CEP57L1: variants seen among roughly 807,000 people sequenced by gnomAD.
CEP57L1 encodes centrosomal protein CEP57L1.
A neutral mutation model predicts 61.0 loss-of-function variants in CEP57L1; 37 were observed. That is an observed-to-expected ratio of 0.61 (90% confidence interval 0.47 to 0.80). The LOEUF (loss-of-function observed/expected upper bound fraction) is 0.80. Ranked by LOEUF, CEP57L1 falls within the 30% of genes least tolerant of loss-of-function variation. CEP57L1 has a pLI of 0.00. For synonymous variants in CEP57L1, 137 were observed against 162.3 expected, an observed-to-expected ratio of 0.84 and a Z score of 1.19; for missense variants, 422 against 524.7, an observed-to-expected ratio of 0.80 and a Z score of 1.91.
At chr6:109,134,407 G>A (rs1376777324) in intron 1 of CEP57L1, among the ~76,000 whole-genome samples, 15 of 152,202 alleles carry the variant, frequency 9.9e-5, no homozygotes, top group African/African-American at 1.9e-4. Context: ...TTGATGGGAC[G>A]TATCTCAAAA....
At chr6:109,136,282 G>GATCA (rs1770665563) in intron 1 of CEP57L1, among the ~76,000 whole-genome samples, 2 of 152,200 alleles carry the variant, frequency 1.3e-5, no homozygotes, top group East Asian at 1.9e-4. Flanking sequence ...GGATGAAGCT[G>GATCA]GAAACCATCA....
chr6:109,161,340 A>G (rs116024953), intron 10 of CEP57L1, among the ~76,000 whole-genome samples: 8 of 152,318 alleles, frequency 5.3e-5, no homozygotes, highest in Non-Finnish European at 1.0e-4. Flanking sequence ...TAATTCCAAG[A>G]CAATGACTCC....
rs1312073671 is a variant in CEP57L1, at chr6:109,172,830, G to A, written c.*9860G>A. Among the ~76,000 whole-genome samples, 1 of 152,200 alleles carries A rather than the reference G, an allele frequency of 6.6e-6. No individual in the cohort carries two copies. Among genetic ancestry groups the A allele is most frequent in the South Asian group, 2.1e-4 (1 of 4,836 alleles). ...GTCTAGTTAATAAAACTAGGGCCAT[G>A]TGTTACTACAACATAGGAGTTAACT... On this transcript the variant is annotated 3_prime_UTR_variant, in exon 11 of 11. Transcript: ENST00000517392.
rs1774357764 is a variant in CEP57L1, at chr6:109,170,617, G to A, written c.*7647G>A. 6.6e-6 allele frequency among the ~76,000 whole-genome samples: 1 copy of A among 152,094 alleles called. No individual in the cohort carries two copies. The highest frequency in any genetic ancestry group is 1.5e-5 in the Non-Finnish European group (1 of 67,998). The stretch of plus-strand genomic sequence containing the variant: ...TAGATCCGTTTAACTTTACAAATGT[G>A]TTATTTAAAACATAAACCATTTTGG... On this transcript the variant is annotated 3_prime_UTR_variant, in exon 11 of 11. Transcript: ENST00000517392.
At chr6:109,102,550 A>G (rs1470770560) in intron 1 of CEP57L1, among the ~76,000 whole-genome samples, 1 of 152,186 alleles carries the variant, frequency 6.6e-6, no homozygotes, top group Non-Finnish European at 1.5e-5. Flanking sequence ...TGTTGTAGCT[A>G]AAAAGTCATT....
chr6:109,132,852 C>T (rs1176158765), intron 1 of CEP57L1, among the ~76,000 whole-genome samples: 1 of 152,142 alleles, frequency 6.6e-6, no homozygotes, highest in African/African-American at 2.4e-5. Flanking sequence ...CTGGCTACTA[C>T]TGAGGTTGAG....
At chr6:109,102,249 G>A (rs1161448852) in intron 1 of CEP57L1, among the ~76,000 whole-genome samples, 1 of 152,104 alleles carries the variant, frequency 6.6e-6, no homozygotes, top group Non-Finnish European at 1.5e-5. Flanking sequence ...CCAGGTTGGA[G>A]TGCAGTGTTG....
chr6:109,128,000 A>G (rs533656116), intron 1 of CEP57L1, among the ~76,000 whole-genome samples: 2 of 152,254 alleles, frequency 1.3e-5, no homozygotes, highest in Admixed American at 6.5e-5. Flanking sequence ...TGGTTCCCTA[A>G]TGGACAAAGG....
chr6:109,144,605 A>T (rs1470917208), intron 1 of CEP57L1, among the ~76,000 whole-genome samples: 8 of 152,170 alleles, frequency 5.3e-5, no homozygotes. Context: ...ACAACAAAAT[A>T]AAAACCAGAC....
At chr6:109,135,478 C>T (rs1315834039) in intron 1 of CEP57L1, among the ~76,000 whole-genome samples, 1 of 152,142 alleles carries the variant, frequency 6.6e-6, no homozygotes, top group African/African-American at 2.4e-5. Context: ...AAAACCTAGG[C>T]AATACCATTC....
intron 1 of CEP57L1, among the ~76,000 whole-genome samples, chr6:109,113,008 T>C (rs1771847717): frequency 6.6e-6 from 1 of 152,182 alleles, no homozygotes; most frequent in African/African-American, 2.4e-5. Context: ...TGGAGAGTTC[T>C]GTAGATGTCT....
intron 1 of CEP57L1, among the ~76,000 whole-genome samples, chr6:109,113,264 A>G (rs1033860909): frequency 6.6e-6 from 1 of 152,064 alleles, no homozygotes; most frequent in Non-Finnish European, 1.5e-5. Context: ...TTTTCTTTGT[A>G]ACATGGATCG....
intron 1 of CEP57L1, among the ~76,000 whole-genome samples, chr6:109,106,596 T>C (rs940559578): frequency 6.6e-5 from 10 of 152,196 alleles, no homozygotes; most frequent in African/African-American, 2.4e-4. Flanking sequence ...TTAAGTATAG[T>C]AGTTTTTGCA....
intron 1 of CEP57L1, among the ~76,000 whole-genome samples, chr6:109,141,471 C>T (rs1771376307): frequency 6.6e-6 from 1 of 152,042 alleles, no homozygotes; most frequent in South Asian, 2.1e-4. Context: ...CCTCTCCCTC[C>T]CAAAGTGTTT....
rs372750532 is a variant in CEP57L1 at position 109,109,456 on chromosome 6, A to C, written c.-4+13881A>C. 4.6e-5 allele frequency among the ~76,000 whole-genome samples: 7 copies of C among 152,312 alleles called. No homozygotes were observed. In the East Asian group the frequency reaches 1.2e-3, roughly 25 times the overall value. On this transcript the variant is annotated intron_variant, in intron 1 of 10. Transcript: ENST00000517392. Reference sequence around the variant, plus strand: ...ATCCTTTGAAACCAGTGTTCCATAGAGCAAGTCTTGGTAAATACTGTTTAA... The same window carrying C: ...ATCCTTTGAAACCAGTGTTCCATAGCGCAAGTCTTGGTAAATACTGTTTAA...
rs1774530787 is a variant in CEP57L1, at chr6:109,174,094, G to T, written c.*11124G>T. On this transcript the variant is annotated 3_prime_UTR_variant, in exon 11 of 11. Coordinates refer to ENST00000517392, the MANE Select transcript of CEP57L1 (RefSeq NM_001271852.3). Reference sequence around the variant, plus strand: ...CAGCCTGAGCCATAGAGTGAGTCTTGGTCTCAAAAAAAAAAAAAAACCTTG... The same window carrying T: ...CAGCCTGAGCCATAGAGTGAGTCTTTGTCTCAAAAAAAAAAAAAAACCTTG... 8.4e-6 allele frequency among the ~76,000 whole-genome samples: 1 copy of T among 118,978 alleles called. No individual in the cohort carries two copies. The highest frequency in any genetic ancestry group is 3.5e-5 in the African/African-American group (1 of 28,878). The allele number at this position is 118,978 out of a possible 152,430, so 78.1% of individuals were successfully genotyped here.
At chr6:109,147,889 C>T (rs1772138703) in intron 3 of CEP57L1, among the ~76,000 whole-genome samples, 1 of 152,050 alleles carries the variant, frequency 6.6e-6, no homozygotes. Flanking sequence ...AGAAGTGTGC[C>T]CTCTGAATTT....
intron 1 of CEP57L1, among the ~76,000 whole-genome samples, chr6:109,114,774 TAA>T (rs1251248467): frequency 6.6e-6 from 1 of 152,062 alleles, no homozygotes; most frequent in African/African-American, 2.4e-5. Flanking sequence ...TTACTAGAAA[TAA>T]GTTTTGGTGT....
At position 109,164,947 on chromosome 6, in the gene CEP57L1, G is replaced by T. The variant is rs964930290; in HGVS notation, c.*1977G>T. On this transcript the variant is annotated 3_prime_UTR_variant, in exon 11 of 11. Coordinates refer to ENST00000517392, the MANE Select transcript of CEP57L1 (RefSeq NM_001271852.3). ...ACAAAAATTAGCCGGGTGTGGTGGCGCATGCCTGTAATCCCAGCTACTTGG... is the reference window on the plus strand; with the variant it reads ...ACAAAAATTAGCCGGGTGTGGTGGCTCATGCCTGTAATCCCAGCTACTTGG... 6.6e-5 allele frequency among the ~76,000 whole-genome samples: 10 copies of T among 151,894 alleles called. No individual in the cohort carries two copies. Among genetic ancestry groups the T allele is most frequent in the South Asian group, 2.1e-4 (1 of 4,808 alleles).
Sources: gnomAD v4.1 joint callset for allele counts (sites outside exome capture counted in the v4.1 genomes callset) on GRCh38, gnomAD v4.1.1 for gene constraint, MANE v1.5 for transcripts, NCBI Gene and HGNC (gene_info 2026-07-23, HGNC 2026-07-21) for gene names.